C11orf65: variants seen among roughly 807,000 people sequenced by gnomAD.
The protein encoded by C11orf65 is protein MFI.
Under a neutral mutation model 35.3 loss-of-function variants are expected in C11orf65, and 38 were observed. The observed-to-expected ratio is 1.08, with a 90% CI of 0.83 to 1.41. The LOEUF is 1.41. C11orf65 is among the 40% of genes most tolerant of loss of function. The pLI, the probability that C11orf65 is intolerant of heterozygous loss-of-function variation, is 0.00. For missense variants in C11orf65, 370 were observed against 367.1 expected (o/e 1.01, Z -0.06); for synonymous variants, 105 against 114.4 (o/e 0.92, Z 0.53).
At chr11:108,370,896 G>A (rs1044552814) in intron 2 of C11orf65, among the ~76,000 whole-genome samples, 2 of 152,076 alleles carry the variant, frequency 1.3e-5, no homozygotes, top group African/African-American at 4.8e-5. Context: ...TTCCAAGTGG[G>A]ATTTCCTTTC....
At chr11:108,393,076 A>C (rs896121835) in intron 7 of C11orf65, 132 bp downstream of exon 7, 82 of 968,794 alleles carry the variant, frequency 8.5e-5, no homozygotes, top group Non-Finnish European at 1.1e-4. Flanking sequence ...TTCTAGACAA[A>C]TAATAGATAC....
At chr11:108,397,602 A>G (rs1010169835) in intron 6 of C11orf65, among the ~76,000 whole-genome samples, 1 of 152,172 alleles carries the variant, frequency 6.6e-6, no homozygotes, top group African/African-American at 2.4e-5. Flanking sequence ...TTCTTTTAGT[A>G]AGATAGGGGT....
Position 108,332,281 on chromosome 11 carries a change from A to C in C11orf65, c.300-714T>G, listed in dbSNP as rs568596394. Among the ~76,000 whole-genome samples, 20 of 152,100 alleles carry C rather than the reference A, an allele frequency of 1.3e-4. No individual in the cohort carries two copies. The South Asian group carries it at 4.2e-3, about 32-fold the overall frequency. The stretch of plus-strand genomic sequence containing the variant: ...ACCCTGTCTCTACTAAAAATGCAAA[A>C]AACAGCTGGGCATGGTGGTGGGCAC... On this transcript the variant is annotated intron_variant, in intron 3 of 3. Transcript: ENST00000524755.
Position 108,382,824 on chromosome 11 carries a change from A to C in C11orf65, c.*197T>G. The C allele has an allele frequency of 1.0e-6, 1 of 984,364 alleles. No homozygotes were observed. The highest frequency in any genetic ancestry group is 1.2e-6 in the Non-Finnish European group (1 of 828,946). 61.0% of individuals were successfully genotyped at this position (984,364 alleles called of 1,614,324 possible). A position where few individuals can be genotyped will look rare whatever the true frequency, so the allele number is the denominator to read the frequency against. ...TACTACAGTTTCTCAGAATACTAGGAATAATTTCTATATTTGCCATGATCA... is the reference window on the plus strand; with the variant it reads ...TACTACAGTTTCTCAGAATACTAGGCATAATTTCTATATTTGCCATGATCA... On this transcript the variant is annotated 3_prime_UTR_variant, in exon 9 of 9. Coordinates refer to ENST00000393084, the MANE Select transcript of C11orf65 (RefSeq NM_152587.5).
intron 6 of C11orf65, among the ~76,000 whole-genome samples, chr11:108,312,803 G>T (rs569325883): frequency 6.6e-6 from 1 of 152,102 alleles, no homozygotes; most frequent in African/African-American, 2.4e-5. Context: ...AGCACTTAGG[G>T]TTTATAATTA....
At chr11:108,452,097 A>G (rs2093355515) in intron 2 of C11orf65, among the ~76,000 whole-genome samples, 1 of 152,178 alleles carries the variant, frequency 6.6e-6, no homozygotes, top group East Asian at 1.9e-4. Context: ...AGGCATGGGC[A>G]AGGACTTCAT....
At chr11:108,319,915 T>C (rs759023252) in intron 6 of C11orf65, 1 of 1,426,120 alleles carries the variant, frequency 7.0e-7, no homozygotes, top group Non-Finnish European at 9.9e-7. Context: ...CTTAGGGTTC[T>C]GTTTTTAAGT....
intron 2 of C11orf65, among the ~76,000 whole-genome samples, chr11:108,441,379 G>C (rs1222930800): frequency 1.3e-5 from 2 of 152,244 alleles, no homozygotes; most frequent in East Asian, 1.9e-4. Flanking sequence ...TGCCTCTGTA[G>C]ACTCCACCTC....
At chr11:108,466,115 T>C (rs2093534271) in intron 1 of C11orf65, among the ~76,000 whole-genome samples, 1 of 152,108 alleles carries the variant, frequency 6.6e-6, no homozygotes, top group African/African-American at 2.4e-5. Context: ...ATAAGTTAAA[T>C]GGTAAAACCT....
chr11:108,428,216 T>C (rs965598778), intron 3 of C11orf65, among the ~76,000 whole-genome samples: 1 of 151,668 alleles, frequency 6.6e-6, no homozygotes, highest in Non-Finnish European at 1.5e-5. Flanking sequence ...TTGGTGGGAG[T>C]GTAAATTAGT....
At chr11:108,465,702 A>AT (rs202074999) in intron 1 of C11orf65, among the ~76,000 whole-genome samples, 2 of 151,402 alleles carry the variant, frequency 1.3e-5, no homozygotes, top group Non-Finnish European at 3.0e-5. Flanking sequence ...TAAAAAAAAA[A>AT]GGCTGGGCGC....
At chr11:108,341,556 GCTTC>G (rs754885741) in intron 2 of C11orf65, among the ~76,000 whole-genome samples, 1 of 152,014 alleles carries the variant, frequency 6.6e-6, no homozygotes, top group Non-Finnish European at 1.5e-5. Context: ...TTAATCAAAT[GCTTC>G]CTTAAGACAC....
In C11orf65 at chr11:108,407,996, T is replaced by TA. The variant is rs1229561536; in HGVS notation, c.175-848_175-847insT. Among the ~76,000 whole-genome samples the TA allele has an allele frequency of 7.5e-5, 3 of 40,000 alleles. No individual in the cohort carries two copies. The East Asian group carries it at 3.6e-3, about 49-fold the overall frequency. The allele number at this position is 40,000 out of a possible 152,430, so 26.2% of individuals were successfully genotyped here. On this transcript the variant is annotated intron_variant, in intron 3 of 8. Transcript: ENST00000393084. ...TTTATGAGCTAAGGACTTAATTTCT[T>TA]TTTATTATTATTATTATTATTATTA...
chr11:108,397,968 C>G (rs1413365071), intron 6 of C11orf65, among the ~76,000 whole-genome samples: 1 of 152,060 alleles, frequency 6.6e-6, no homozygotes, highest in Non-Finnish European at 1.5e-5. Context: ...TGGGGCACAT[C>G]AAAAGGAAGT....
At chr11:108,463,924 ATTTTTTTT>A (rs10677306) in intron 1 of C11orf65, among the ~76,000 whole-genome samples, 7 of 132,440 alleles carry the variant, frequency 5.3e-5, no homozygotes, top group Non-Finnish European at 9.5e-5. Flanking sequence ...AGATTTGTTA[ATTTTTTTT>A]TTTTTTTTTT....
chr11:108,331,568 CTGAA>C lies in C11orf65; in HGVS notation c.300-5_300-2del, dbSNP rs1555124156. 2.5e-6 allele frequency: 4 copies of C among 1,602,652 alleles called. No individual in the cohort carries two copies. The highest frequency in any genetic ancestry group is 3.4e-6 in the Non-Finnish European group (4 of 1,175,318). On this transcript the variant is annotated splice_acceptor_variant and splice_polypyrimidine_tract_variant and intron_variant, in intron 3 of 3. Transcript: ENST00000524755. LOFTEE classifies it high-confidence loss of function. ...GAAGTCCTCAATAATGTAAGTAAAC[CTGAA>C]AATCAAACCACAATAATTATTTTTA...
chr11:108,403,537 T>C (rs2092482392), intron 6 of C11orf65, among the ~76,000 whole-genome samples: 1 of 152,056 alleles, frequency 6.6e-6, no homozygotes, highest in African/African-American at 2.4e-5. Flanking sequence ...AAATTGTTTC[T>C]TTTATAGTTC....
chr11:108,452,533 C>T (rs373605670), intron 2 of C11orf65, among the ~76,000 whole-genome samples: 16,132 of 152,140 alleles, frequency 0.11, 1,181 homozygotes, highest in Non-Finnish European at 0.14. Flanking sequence ...GAAATAGGAA[C>T]ACTTTTACAC....
intron 2 of C11orf65, among the ~76,000 whole-genome samples, chr11:108,348,231 T>C (rs1416114654): frequency 6.6e-6 from 1 of 151,822 alleles, no homozygotes; most frequent in Non-Finnish European, 1.5e-5. Context: ...TGTATATATA[T>C]AGACAGTTTA....
Sources: allele counts gnomAD v4.1 joint callset (sites outside exome capture counted in the v4.1 genomes callset), GRCh38; gene constraint gnomAD v4.1.1; transcripts MANE v1.5; gene names NCBI Gene and HGNC (gene_info 2026-07-23, HGNC 2026-07-21).